TMEM132B: variants seen among roughly 807,000 people sequenced by gnomAD.
TMEM132B encodes the protein transmembrane protein 132B.
A neutral mutation model predicts 90.8 loss-of-function variants in TMEM132B; 18 were observed. The ratio of observed to expected loss-of-function variants is 0.20; its 90% confidence interval spans 0.14 to 0.29. The LOEUF (loss-of-function observed/expected upper bound fraction) is 0.29, where lower values mean the gene tolerates loss of function less well. Ranked by LOEUF, TMEM132B falls within the 10% of genes least tolerant of loss-of-function variation. The pLI is 1.00. For missense variants in TMEM132B, 1,096 were observed against 1,326.8 expected (o/e 0.83, Z 2.70); for synonymous variants, 504 against 523.3 (o/e 0.96, Z 0.50).
At chr12:125,434,232 C>T (rs545510209) in intron 3 of TMEM132B, among the ~76,000 whole-genome samples, 4 of 152,282 alleles carry the variant, frequency 2.6e-5, no homozygotes, top group South Asian at 4.1e-4. Flanking sequence ...CCGACCCTGA[C>T]GCTCCTGTCC....
In TMEM132B at chr12:125,241,418, G is replaced by T. The variant is rs140793431; in HGVS notation, c.67+54552G>T. Among the ~76,000 whole-genome samples, 664 of 152,298 alleles carry T rather than the reference G, an allele frequency of 4.4e-3. 3 individuals carry two copies. The highest frequency in any genetic ancestry group is 0.014 in the African/African-American group (569 of 41,554). On this transcript the variant is annotated intron_variant, in intron 1 of 8. Coordinates refer to ENST00000682704, the MANE Select transcript of TMEM132B (RefSeq NM_001366854.1). The stretch of plus-strand genomic sequence containing the variant: ...TGCTCTATTTCAGCTGGGGTTTCAT[G>T]ATGTGAGTTTTTTCCATGCACATTC...
At chr12:125,550,289 G>C (rs1206641177) in intron 4 of TMEM132B, among the ~76,000 whole-genome samples, 1 of 152,172 alleles carries the variant, frequency 6.6e-6, no homozygotes, top group Non-Finnish European at 1.5e-5. Context: ...CCTTCTGTTT[G>C]TTCCTTGGGT....
intron 4 of TMEM132B, among the ~76,000 whole-genome samples, chr12:125,571,925 A>G (rs948690148): frequency 9.2e-5 from 14 of 152,218 alleles, no homozygotes; most frequent in African/African-American, 3.4e-4. Flanking sequence ...CCTTTATAGC[A>G]AAAGAAAAAT....
At chr12:125,335,092 A>G (rs1191906468) in intron 1 of TMEM132B, among the ~76,000 whole-genome samples, 1 of 152,198 alleles carries the variant, frequency 6.6e-6, no homozygotes, top group East Asian at 1.9e-4. Context: ...AGAATCTTCA[A>G]CTTGTGTTTT....
chr12:125,303,383 A>G lies in TMEM132B; in HGVS notation c.68-46069A>G, dbSNP rs563083880. Among the ~76,000 whole-genome samples, 6 of 152,196 alleles carry G rather than the reference A, an allele frequency of 3.9e-5. No individual in the cohort carries two copies. In the East Asian group the frequency reaches 1.2e-3, roughly 29 times the overall value. ...ATAGATCACATTTGTTTATTCTTTC[A>G]TCTGTTGATAGACATTTGGGCTGTT... is the stretch of plus-strand genomic sequence containing the variant. On this transcript the variant is annotated intron_variant, in intron 1 of 8. Coordinates refer to ENST00000682704, the MANE Select transcript of TMEM132B (RefSeq NM_001366854.1).
In TMEM132B at chr12:125,650,851, T is replaced by C; in HGVS notation, c.1812T>C (p.Thr604=). The change falls in exon 7 of 9, where the codon ACT becomes ACC. Residue 604 remains threonine, a synonymous_variant. Transcript: ENST00000682704. ...GCCCCGACTGGCAGTTTGACATCAC[T>C]GACCTTGTGACCGAGTTCATGAAGG... ...MLGPDWQFDI[T]DLVTEFMKVE... is the part of the protein sequence containing the mutation. The C allele has an allele frequency of 6.2e-7, 1 of 1,614,174 alleles. No homozygotes were observed. The highest frequency in any genetic ancestry group is 8.5e-7 in the Non-Finnish European group (1 of 1,180,044).
chr12:125,291,621 T>C (rs1326177645), intron 1 of TMEM132B, among the ~76,000 whole-genome samples: 8 of 152,170 alleles, frequency 5.3e-5, no homozygotes, highest in Non-Finnish European at 1.2e-4. Context: ...CTGAGTGATC[T>C]TGGAAGAGGA....
chr12:125,354,782 A>T (rs899656518), intron 2 of TMEM132B, among the ~76,000 whole-genome samples: 4 of 152,188 alleles, frequency 2.6e-5, no homozygotes, highest in African/African-American at 7.2e-5. Context: ...ATTCTCTTTT[A>T]TGCTATAATT....
At chr12:125,540,507 A>G (rs1883926000) in intron 4 of TMEM132B, among the ~76,000 whole-genome samples, 1 of 152,240 alleles carries the variant, frequency 6.6e-6, no homozygotes, top group Non-Finnish European at 1.5e-5. Flanking sequence ...GATATATAAA[A>G]TTTAAGATGG....
intron 1 of TMEM132B, among the ~76,000 whole-genome samples, chr12:125,206,390 T>G (rs1873186601): frequency 1.3e-5 from 2 of 151,984 alleles, no homozygotes; most frequent in Admixed American, 1.3e-4. Context: ...GGCACGTGCC[T>G]CCATGCCTGG....
intron 2 of TMEM132B, among the ~76,000 whole-genome samples, chr12:125,367,694 G>A (rs190615548): frequency 7.2e-5 from 11 of 152,292 alleles, no homozygotes; most frequent in Non-Finnish European, 1.5e-4. Flanking sequence ...GTCTTCCTCT[G>A]AGTATGGACT....
At chr12:125,260,147 T>C (rs1874528889) in intron 1 of TMEM132B, among the ~76,000 whole-genome samples, 1 of 152,140 alleles carries the variant, frequency 6.6e-6, no homozygotes, top group African/African-American at 2.4e-5. Context: ...CAGAGACGTA[T>C]TTTGTTCTGT....
chr12:125,450,198 C>T (rs779110810), intron 3 of TMEM132B, among the ~76,000 whole-genome samples: 1 of 152,090 alleles, frequency 6.6e-6, no homozygotes, highest in African/African-American at 2.4e-5. Flanking sequence ...TTGTATTCTT[C>T]CCTTTTAAAA....
At chr12:125,432,212 G>T (rs7303758) in intron 3 of TMEM132B, among the ~76,000 whole-genome samples, 46,013 of 150,930 alleles carry the variant, frequency 0.3, 7,257 homozygotes, top group African/African-American at 0.4. Context: ...GGTCTGCCAG[G>T]CTGGTTATAG....
At chr12:125,574,702 G>A (rs539511696) in intron 4 of TMEM132B, among the ~76,000 whole-genome samples, 3 of 152,036 alleles carry the variant, frequency 2.0e-5, no homozygotes, top group East Asian at 3.9e-4. Flanking sequence ...AAACTTCAGC[G>A]GGTCAAAAAG....
At chr12:125,522,186 TC>T (rs1883325084) in intron 4 of TMEM132B, among the ~76,000 whole-genome samples, 1 of 152,302 alleles carries the variant, frequency 6.6e-6, no homozygotes, top group East Asian at 1.9e-4. Context: ...TAAATTAGTC[TC>T]CCCCTTTCTA....
Position 125,519,951 on chromosome 12 carries a change from G to T in TMEM132B, c.1293+326G>T, listed in dbSNP as rs541972449. Among the ~76,000 whole-genome samples, 7 of 152,332 alleles carry T rather than the reference G, an allele frequency of 4.6e-5. No individual in the cohort carries two copies. In the South Asian group the frequency reaches 1.4e-3, roughly 32 times the overall value. Reference sequence around the variant, plus strand: ...TTGTTGAAATGCATCAGGGTTACACGTTGGGAACAGTGGCTCTATATGCCA... The same window carrying T: ...TTGTTGAAATGCATCAGGGTTACACTTTGGGAACAGTGGCTCTATATGCCA... On this transcript the variant is annotated intron_variant, in intron 4 of 8. Coordinates refer to ENST00000682704, the MANE Select transcript of TMEM132B (RefSeq NM_001366854.1).
intron 4 of TMEM132B, among the ~76,000 whole-genome samples, chr12:125,535,010 C>T (rs1229997477): frequency 6.6e-6 from 1 of 152,204 alleles, no homozygotes; most frequent in Non-Finnish European, 1.5e-5. Flanking sequence ...TTGATTAATT[C>T]TCTTCCCTGA....
At chr12:125,275,130 C>G (rs900449293) in intron 1 of TMEM132B, among the ~76,000 whole-genome samples, 6 of 152,214 alleles carry the variant, frequency 3.9e-5, no homozygotes, top group Admixed American at 2.6e-4. Flanking sequence ...CCAAACCCAG[C>G]TAACCCGGAA....
Sources: gnomAD v4.1 joint callset for allele counts (sites outside exome capture counted in the v4.1 genomes callset) on GRCh38, gnomAD v4.1.1 for gene constraint, MANE v1.5 for transcripts, NCBI Gene and HGNC (gene_info 2026-07-23, HGNC 2026-07-21) for gene names.